CACNA2D3: variants seen among roughly 807,000 people sequenced by gnomAD.
CACNA2D3 encodes the protein calcium voltage-gated channel auxiliary subunit alpha2delta 3.
In CACNA2D3, 60 loss-of-function variants were observed where a neutral mutation model predicts 160.6. The ratio of observed to expected loss-of-function variants is 0.37; its 90% confidence interval spans 0.30 to 0.46. CACNA2D3 has a LOEUF of 0.46. Ranked by LOEUF, CACNA2D3 falls within the 20% of genes least tolerant of loss-of-function variation. The probability of loss-of-function intolerance (pLI) is 1.00; values close to 1 mark genes in which losing one functional copy is unlikely to be tolerated. For synonymous variants in CACNA2D3, 558 were observed against 492.9 expected (o/e 1.13, Z -1.75); for missense variants, 1,205 against 1,365.0 (o/e 0.88, Z 1.85).
At chr3:54,566,901 C>T (rs1702418044) in intron 6 of CACNA2D3, among the ~76,000 whole-genome samples, 1 of 152,142 alleles carries the variant, frequency 6.6e-6, no homozygotes, top group African/African-American at 2.4e-5. Context: ...ATGCTGTTTG[C>T]TAGTATCAAG....
intron 2 of CACNA2D3, among the ~76,000 whole-genome samples, chr3:54,276,764 T>C (rs939257542): frequency 1.2e-4 from 18 of 152,138 alleles, no homozygotes; most frequent in South Asian, 8.3e-4. Context: ...GTGCATTTCT[T>C]CCAGGTTAAG....
rs192139768 is a variant in CACNA2D3 at position 54,375,840 on chromosome 3, C to T, written c.322-10875C>T. ...TGAGGGTTTCCAGAGAAGAGATGGC[C>T]GTGGCTTTGCTAGGGATATAACAGG... On this transcript the variant is annotated intron_variant, in intron 3 of 37. Coordinates refer to ENST00000474759, the MANE Select transcript of CACNA2D3 (RefSeq NM_018398.3). Among the ~76,000 whole-genome samples the T allele has an allele frequency of 2.5e-3, 386 of 151,980 alleles. 4 individuals are homozygous for T. Among genetic ancestry groups the T allele is most frequent in the African/African-American group, 8.4e-3 (348 of 41,410 alleles).
chr3:54,808,776 A>G (rs1703203371), intron 13 of CACNA2D3, among the ~76,000 whole-genome samples: 1 of 152,142 alleles, frequency 6.6e-6, no homozygotes, highest in African/African-American at 2.4e-5. Context: ...AGACCCTATC[A>G]TTTCTTCACT....
At chr3:54,463,342 G>C (rs974918279) in intron 4 of CACNA2D3, among the ~76,000 whole-genome samples, 1 of 152,200 alleles carries the variant, frequency 6.6e-6, no homozygotes, top group African/African-American at 2.4e-5. Context: ...GATTGGGGAA[G>C]TTCTCCTGGA....
At chr3:55,049,859 A>T (rs1469206875) in intron 35 of CACNA2D3, among the ~76,000 whole-genome samples, 1 of 148,854 alleles carries the variant, frequency 6.7e-6, no homozygotes, top group Non-Finnish European at 1.5e-5. Context: ...ATTATGTAAT[A>T]GCCTTCTTTG....
chr3:54,408,676 T>G (rs1699616591), intron 4 of CACNA2D3, among the ~76,000 whole-genome samples: 1 of 152,220 alleles, frequency 6.6e-6, no homozygotes, highest in Non-Finnish European at 1.5e-5. Context: ...GAGACTAGCC[T>G]CATCCATGAA....
chr3:55,004,998 G>A lies in CACNA2D3; in HGVS notation c.2766+160G>A, dbSNP rs191973722. Among the ~76,000 whole-genome samples the A allele has an allele frequency of 3.9e-3, 587 of 151,752 alleles. 4 individuals carry two copies. The highest frequency in any genetic ancestry group is 0.014 in the African/African-American group (565 of 41,432). On this transcript the variant is annotated intron_variant, in intron 32 of 37. Transcript: ENST00000474759. ...AAAAAAAAAAAAAACACTTCAGGCC[G>A]GGCGCGGCAGCTCATGCCCGTAATC...
chr3:54,463,555 G>T (rs1327548816), intron 4 of CACNA2D3, among the ~76,000 whole-genome samples: 3 of 151,998 alleles, frequency 2.0e-5, no homozygotes, highest in Non-Finnish European at 4.4e-5. Context: ...CTTTCTTCCA[G>T]TTGATCGCAT....
intron 3 of CACNA2D3, among the ~76,000 whole-genome samples, chr3:54,323,529 C>T (rs1008618813): frequency 5.4e-5 from 8 of 148,440 alleles, no homozygotes; most frequent in East Asian, 2.0e-4. Context: ...TGCAGTGATG[C>T]GATCTCAGCT....
chr3:54,302,213 T>G (rs1703492548), intron 2 of CACNA2D3, among the ~76,000 whole-genome samples: 1 of 152,206 alleles, frequency 6.6e-6, no homozygotes, highest in Admixed American at 6.5e-5. Flanking sequence ...GCTTCTTGCC[T>G]TACAATTTCT....
chr3:54,337,571 A>G (rs1316432545), intron 3 of CACNA2D3, among the ~76,000 whole-genome samples: 1 of 152,196 alleles, frequency 6.6e-6, no homozygotes, highest in Middle Eastern at 3.2e-3. Flanking sequence ...TGTAGGCCCT[A>G]TTGAGAAGAC....
rs1703872300 is a variant in CACNA2D3 at position 54,316,779 on chromosome 3, C to T, written c.205-3663C>T. On this transcript the variant is annotated intron_variant, in intron 2 of 37. Transcript: ENST00000474759. ...AAAAAAGTGGGATATAGGAAGATCTCATTGAAAACTTGGTGGAAAGTTAGA... is the reference window on the plus strand; with the variant it reads ...AAAAAAGTGGGATATAGGAAGATCTTATTGAAAACTTGGTGGAAAGTTAGA... Among the ~76,000 whole-genome samples, 4 of 152,174 alleles carry T rather than the reference C, an allele frequency of 2.6e-5. No homozygotes were observed. In the South Asian group the frequency reaches 6.2e-4, roughly 24 times the overall value.
chr3:54,445,126 T>G (rs1700200809), intron 4 of CACNA2D3, among the ~76,000 whole-genome samples: 1 of 152,160 alleles, frequency 6.6e-6, no homozygotes, highest in Non-Finnish European at 1.5e-5. Flanking sequence ...TGGTAGTGAT[T>G]ATGAGCCTCG....
chr3:54,717,668 G>A (rs1320668645), intron 11 of CACNA2D3, among the ~76,000 whole-genome samples: 1 of 131,480 alleles, frequency 7.6e-6, no homozygotes, highest in African/African-American at 2.9e-5. Flanking sequence ...GTGTATGCAT[G>A]TGTGGTGTGT....
chr3:55,030,482 A>G (rs1395634676), intron 35 of CACNA2D3, among the ~76,000 whole-genome samples: 3 of 152,154 alleles, frequency 2.0e-5, no homozygotes. Context: ...TTAGTGCTAT[A>G]TGTTTATGGT....
intron 4 of CACNA2D3, among the ~76,000 whole-genome samples, chr3:54,500,520 C>CTTCCTTCCTTCCTAT (rs1701275200): frequency 2.8e-4 from 15 of 54,374 alleles, no homozygotes; most frequent in Admixed American, 9.4e-4. Flanking sequence ...TTCCTTCCTT[C>CTTCCTTCCTTCCTAT]CTTCCTTCCT....
chr3:55,060,549 T>C (rs928349741), intron 35 of CACNA2D3, among the ~76,000 whole-genome samples: 1 of 152,218 alleles, frequency 6.6e-6, no homozygotes, highest in Non-Finnish European at 1.5e-5. Flanking sequence ...GAAAATGATA[T>C]TTCTTTGAGT....
intron 11 of CACNA2D3, among the ~76,000 whole-genome samples, chr3:54,725,454 C>G (rs1166186202): frequency 6.6e-6 from 1 of 152,090 alleles, no homozygotes; most frequent in Non-Finnish European, 1.5e-5. Context: ...AGCAGAGACA[C>G]AACAAAAAAT....
rs1432757693 is a variant in CACNA2D3, at chr3:54,885,530, T to C, written c.2000T>C (p.Leu667Pro). 6.2e-7 allele frequency: 1 copy of C among 1,613,824 alleles called. No individual in the cohort carries two copies. Among genetic ancestry groups the C allele is most frequent in the Non-Finnish European group, 8.5e-7 (1 of 1,179,810 alleles). The stretch of plus-strand genomic sequence containing the variant: ...GACCTACACCCTGAGCACCGCCATC[T>C]GTCTCAGTTAGAAGCGATTAAGCTC... ...NTDLHPEHRH[L>P]SQLEAIKLYL... Residue 667 changes from leucine (L) to proline (P), a missense_variant, in exon 23 of 38, where the codon CTG (leucine) becomes CCG (proline). Physicochemically the swap from Leu to Pro is moderately conservative, Grantham distance 98. Around this residue, in one of 3 missense-constraint regions of CACNA2D3, gnomAD observed 911 missense variants for 1,002.2 expected, o/e 0.91. Transcript: ENST00000474759.
Sources: allele counts gnomAD v4.1 joint callset (sites outside exome capture counted in the v4.1 genomes callset), GRCh38; gene constraint gnomAD v4.1.1; regional missense constraint gnomAD v4.1.1; transcripts MANE v1.5; gene names NCBI Gene and HGNC (gene_info 2026-07-23, HGNC 2026-07-21).